The following PMFBP1 variants were observed in gnomAD, a reference collection of about 807,000 sequenced individuals.
The protein encoded by PMFBP1 is polyamine-modulated factor 1-binding protein 1.
A neutral mutation model predicts 137.8 loss-of-function variants in PMFBP1; 131 were observed. The observed-to-expected ratio is 0.95, with a 90% CI of 0.82 to 1.10. PMFBP1 has a LOEUF of 1.10. Among genes scored for constraint, PMFBP1 ranks in the 50% least tolerant of loss-of-function variants. The probability of loss-of-function intolerance (pLI) is 0.00; values close to 1 mark genes in which losing one functional copy is unlikely to be tolerated. For missense variants in PMFBP1, 1,199 were observed against 1,175.4 expected (o/e 1.02, Z -0.29); for synonymous variants, 490 against 450.4 (o/e 1.09, Z -1.11).
chr16:72,151,879 C>A (rs1396171303), intron 4 of PMFBP1, among the ~76,000 whole-genome samples: 1 of 152,122 alleles, frequency 6.6e-6, no homozygotes. Context: ...ACCAGGAGCC[C>A]ATTCAACCAG....
At chr16:72,202,968 T>C in the PMFBP1 span, among the ~76,000 whole-genome samples, 2 of 152,222 alleles carry the variant, frequency 1.3e-5, no homozygotes, top group Non-Finnish European at 2.9e-5. Flanking sequence ...ACCTAGTGTC[T>C]GTTTCTTTGG....
the PMFBP1 span, among the ~76,000 whole-genome samples, chr16:72,235,160 A>G: frequency 1.3e-5 from 2 of 152,060 alleles, no homozygotes; most frequent in Non-Finnish European, 2.9e-5. Flanking sequence ...TGAGATTTTT[A>G]TAGTTTTATT....
chr16:72,198,141 G>C, the PMFBP1 span, among the ~76,000 whole-genome samples: 8 of 152,136 alleles, frequency 5.3e-5, no homozygotes, highest in Non-Finnish European at 1.2e-4. Context: ...CCTAGAATGT[G>C]AACTTGAATG....
chr16:72,143,324 A>C (rs2042751572), intron 5 of PMFBP1, among the ~76,000 whole-genome samples: 1 of 152,252 alleles, frequency 6.6e-6, no homozygotes, highest in Non-Finnish European at 1.5e-5. Context: ...ATAAGATGGA[A>C]AATAAGTTGT....
At chr16:72,240,169 T>C in the PMFBP1 span, among the ~76,000 whole-genome samples, 1 of 152,162 alleles carries the variant, frequency 6.6e-6, no homozygotes, top group South Asian at 2.1e-4. Flanking sequence ...AGGTAGACTG[T>C]GGCGCAGAGA....
chr16:72,125,246 C>T lies in PMFBP1; in HGVS notation c.2413G>A (p.Glu805Lys). Residue 805 changes from glutamate (E) to lysine (K), a missense_variant, in exon 16 of 21, where the codon GAG becomes AAG. Glu to Lys is a moderately conservative substitution (Grantham distance 56, BLOSUM62 1). Coordinates refer to ENST00000237353, the MANE Select transcript of PMFBP1 (RefSeq NM_031293.3). ...RKLRGFHQES[E>K]LEVHAFDKKL... ...CCCTGGCAGCTCCTCACCTCCAGCT[C>T]ACTCTCCTGGTGGAAGCCCCGCAGT... 1 of 1,613,196 alleles carries T rather than the reference C, an allele frequency of 6.2e-7. No homozygotes were observed. Among genetic ancestry groups the T allele is most frequent in the Non-Finnish European group, 8.5e-7 (1 of 1,179,708 alleles).
In PMFBP1 at chr16:72,154,241, C is replaced by G. The variant is rs547315437; in HGVS notation, c.384G>C (p.Leu128=). Residue 128 remains leucine, a synonymous_variant, in exon 4 of 21, where the codon CTG becomes CTC. Coordinates refer to ENST00000237353, the MANE Select transcript of PMFBP1 (RefSeq NM_031293.3). ...CTTCTTTCAGTTTGCAGTGATGGTG[C>G]AGAAGAACCAGGTCGGAAGTCTGCT... ...LEKQTSDLVL[L]HHHCKLKEDE... The G allele has an allele frequency of 6.2e-7, 1 of 1,614,046 alleles. No individual in the cohort carries two copies. The highest frequency in any genetic ancestry group is 1.3e-5 in the African/African-American group (1 of 75,002).
the PMFBP1 span, among the ~76,000 whole-genome samples, chr16:72,219,435 G>C: frequency 6.6e-6 from 1 of 152,154 alleles, no homozygotes; most frequent in Admixed American, 6.5e-5. Context: ...GGAGCGCGTG[G>C]ACAGGTATAT....
chr16:72,130,321 T>A lies in PMFBP1; in HGVS notation c.1674A>T (p.Glu558Asp). 1 of 1,614,220 alleles carries A rather than the reference T, an allele frequency of 6.2e-7. No individual in the cohort carries two copies. Among genetic ancestry groups the A allele is most frequent in the Non-Finnish European group, 8.5e-7 (1 of 1,180,040 alleles). ...CTGAATTTTCAAGCTTCCTCAGGGC[T>A]TCAGAGAGTTCTAATGACAGCTCCT... ...RVEELSLELS[E>D]ALRKLENSDK... Residue 558 changes from glutamate to aspartate, a missense_variant, in exon 12 of 21, where the codon GAA (glutamate) becomes GAT (aspartate). Transcript: ENST00000237353.
chr16:72,207,678 C>T, the PMFBP1 span, among the ~76,000 whole-genome samples: 780 of 147,398 alleles, frequency 5.3e-3, no homozygotes, highest in Non-Finnish European at 8.0e-3. Flanking sequence ...GAGTACAGTC[C>T]AGGTTCCCCA....
chr16:72,138,261 A>C (rs921769421), intron 7 of PMFBP1, among the ~76,000 whole-genome samples: 1 of 152,204 alleles, frequency 6.6e-6, no homozygotes, highest in African/African-American at 2.4e-5. Flanking sequence ...TCCTGGAAAG[A>C]GGAGCATCTC....
chr16:72,132,423 C>A (rs1365986809), intron 10 of PMFBP1, among the ~76,000 whole-genome samples: 2 of 152,122 alleles, frequency 1.3e-5, no homozygotes, highest in African/African-American at 4.8e-5. Context: ...GTGATGAGGG[C>A]CTGAAGAAGA....
chr16:72,174,688 C>T (rs1016348968), upstream of PMFBP1, among the ~76,000 whole-genome samples: 5 of 152,340 alleles, frequency 3.3e-5, no homozygotes, highest in Admixed American at 2.0e-4. Context: ...GACAGCACCT[C>T]TTCACAAGGT....
chr16:72,183,862 T>C, the PMFBP1 span, among the ~76,000 whole-genome samples: 11 of 152,152 alleles, frequency 7.2e-5, no homozygotes, highest in African/African-American at 2.7e-4. Context: ...ATATTTCCTC[T>C]ATCCCCCTTT....
At chr16:72,196,892 C>T in the PMFBP1 span, among the ~76,000 whole-genome samples, 1 of 152,326 alleles carries the variant, frequency 6.6e-6, no homozygotes, top group African/African-American at 2.4e-5. Flanking sequence ...CCTAATATTG[C>T]TGATAGGCTC....
At chr16:72,190,728 C>T in the PMFBP1 span, among the ~76,000 whole-genome samples, 1 of 152,110 alleles carries the variant, frequency 6.6e-6, no homozygotes, top group Non-Finnish European at 1.5e-5. Flanking sequence ...AGCCTCAGAA[C>T]TTCTCTCTGG....
intron 3 of PMFBP1, among the ~76,000 whole-genome samples, chr16:72,158,473 G>A (rs4788615): frequency 0.12 from 18,843 of 152,084 alleles, 1,625 homozygotes; most frequent in South Asian, 0.18. Flanking sequence ...TGGGAGTGGC[G>A]TGTGTGGTGT....
At position 72,127,621 on chromosome 16, in the gene PMFBP1, T is replaced by A. The variant is rs906239756; in HGVS notation, c.2088+1036A>T. On this transcript the variant is annotated intron_variant, in intron 14 of 20. Coordinates refer to ENST00000237353, the MANE Select transcript of PMFBP1 (RefSeq NM_031293.3). ...TTAGCTTGGAGAAAGATTCTAAAAA[T>A]CTACATATAGAAGTATGTAAATTAT... Among the ~76,000 whole-genome samples the A allele has an allele frequency of 1.1e-4, 16 of 152,204 alleles. 1 individual carries two copies.
the PMFBP1 span, among the ~76,000 whole-genome samples, chr16:72,240,266 T>C: frequency 1.3e-5 from 2 of 152,268 alleles, no homozygotes; most frequent in African/African-American, 2.4e-5. Context: ...ACATGGTTAC[T>C]AGTTTGCAGA....
Sources: gnomAD v4.1 joint callset for allele counts (sites outside exome capture counted in the v4.1 genomes callset) on GRCh38, gnomAD v4.1.1 for gene constraint, MANE v1.5 for transcripts, NCBI Gene and HGNC (gene_info 2026-07-23, HGNC 2026-07-21) for gene names.